Variants in BLK observed in about 807,000 individuals in gnomAD.
The protein encoded by BLK is BLK proto-oncogene, Src family tyrosine kinase.
A neutral mutation model predicts 61.8 loss-of-function variants in BLK; 64 were observed. That is an observed-to-expected ratio of 1.03 (90% confidence interval 0.85 to 1.27). The LOEUF is 1.27. BLK is among the 50% of genes most tolerant of loss of function. The pLI, the probability that BLK is intolerant of heterozygous loss-of-function variation, is 0.00. For missense variants in BLK, 853 were observed against 660.5 expected, an observed-to-expected ratio of 1.29 and a Z score of -3.19; for synonymous variants, 351 against 272.0, an observed-to-expected ratio of 1.29 and a Z score of -2.86.
chr8:11,510,632 C>T (rs1452787276), intron 1 of BLK, among the ~76,000 whole-genome samples: 1 of 152,080 alleles, frequency 6.6e-6, no homozygotes, highest in Non-Finnish European at 1.5e-5. Flanking sequence ...TGTCTCTTTC[C>T]CCCTTTCTGG....
At chr8:11,549,182 G>A (rs1415090644) in intron 5 of BLK, 60 bp downstream of exon 5, 1 of 1,469,640 alleles carries the variant, frequency 6.8e-7, no homozygotes, top group Non-Finnish European at 9.3e-7. Flanking sequence ...TGCTCCCTGG[G>A]CTGTTAGGCA....
chr8:11,495,010 G>T (rs571293900), intron 1 of BLK, among the ~76,000 whole-genome samples: 14 of 152,334 alleles, frequency 9.2e-5, no homozygotes, highest in African/African-American at 3.4e-4. Flanking sequence ...GGAGCATCTG[G>T]CTCAAGGCAA....
intron 1 of BLK, among the ~76,000 whole-genome samples, chr8:11,528,998 C>G (rs757034646): frequency 1.3e-5 from 2 of 151,984 alleles, no homozygotes; most frequent in African/African-American, 4.8e-5. Flanking sequence ...GATGCTGGAC[C>G]GAATACTTAG....
intron 1 of BLK, among the ~76,000 whole-genome samples, chr8:11,524,877 G>A (rs6992453): frequency 0.021 from 3,070 of 146,278 alleles, 96 homozygotes; most frequent in African/African-American, 0.071. Context: ...AAAGCAGGTC[G>A]CAAAACAGGA....
chr8:11,554,385 C>T (rs899154481), intron 6 of BLK, among the ~76,000 whole-genome samples: 4 of 152,116 alleles, frequency 2.6e-5, no homozygotes, highest in Non-Finnish European at 1.5e-5. Context: ...GTCACTCCAA[C>T]GAGACTAGAT....
intron 1 of BLK, among the ~76,000 whole-genome samples, chr8:11,535,705 A>G (rs1196785468): frequency 6.6e-6 from 1 of 152,224 alleles, no homozygotes; most frequent in Non-Finnish European, 1.5e-5. Flanking sequence ...CTATCTTAGC[A>G]TCACTAAAAT....
intron 6 of BLK, among the ~76,000 whole-genome samples, chr8:11,553,785 A>T (rs895425644): frequency 1.3e-5 from 2 of 152,128 alleles, no homozygotes; most frequent in African/African-American, 4.8e-5. Flanking sequence ...GTAGGTGATG[A>T]GAGAGGCACA....
chr8:11,560,893 C>A (rs757968920), intron 10 of BLK: 1 of 467,500 alleles, frequency 2.1e-6, no homozygotes, highest in South Asian at 1.5e-5. Context: ...GCTCCAGGAG[C>A]TGTGCTTCCA....
intron 1 of BLK, among the ~76,000 whole-genome samples, chr8:11,535,134 C>T (rs1003827337): frequency 4.0e-5 from 6 of 150,510 alleles, no homozygotes; most frequent in African/African-American, 9.8e-5. Context: ...GCCATGATCA[C>T]GCCTCTGCAC....
At chr8:11,503,435 C>A (rs1389706389) in intron 1 of BLK, among the ~76,000 whole-genome samples, 13 of 152,106 alleles carry the variant, frequency 8.5e-5, no homozygotes, top group Non-Finnish European at 1.2e-4. Context: ...CTAGTAACTC[C>A]CAAAGGGAGA....
chr8:11,506,749 T>G (rs1798782954), intron 1 of BLK, among the ~76,000 whole-genome samples: 5 of 152,160 alleles, frequency 3.3e-5, no homozygotes, highest in Admixed American at 3.3e-4. Context: ...CATGTCAGCC[T>G]CTGACCCTGG....
chr8:11,500,500 T>TTTTTG (rs977614120), intron 1 of BLK, among the ~76,000 whole-genome samples: 1 of 149,328 alleles, frequency 6.7e-6, no homozygotes, highest in Non-Finnish European at 1.5e-5. Context: ...CTGGCCTGTT[T>TTTTTG]TTTTGTTTTG....
chr8:11,541,999 T>A (rs1437132926), intron 1 of BLK, among the ~76,000 whole-genome samples: 2 of 152,236 alleles, frequency 1.3e-5, no homozygotes, highest in African/African-American at 4.8e-5. Context: ...TGAAAAAACA[T>A]ACTTGTGAAT....
chr8:11,541,535 T>A (rs1411158083), intron 1 of BLK, among the ~76,000 whole-genome samples: 1 of 151,872 alleles, frequency 6.6e-6, no homozygotes, highest in Non-Finnish European at 1.5e-5. Context: ...TCTCACTCTG[T>A]TGCCCAGGCT....
At chr8:11,548,900 T>C in intron 4 of BLK, 124 bp from the exon 5 acceptor site, 1 of 885,932 alleles carries the variant, frequency 1.1e-6, no homozygotes. Flanking sequence ...CTGCCTGCCG[T>C]ACTCTCTACC....
At position 11,517,887 on chromosome 8, in the gene BLK, G is replaced by A. The variant is rs1044133183; in HGVS notation, c.-2+23296G>A. Among the ~76,000 whole-genome samples the A allele has an allele frequency of 3.3e-5, 5 of 152,178 alleles. No individual in the cohort carries two copies. The East Asian group carries it at 5.8e-4, about 18-fold the overall frequency. On this transcript the variant is annotated intron_variant, in intron 1 of 12. Transcript: ENST00000259089. ...CTTTCAGAGCTGAAATTGACTTCTT[G>A]GAAAGCCAGAGAAATGCATTTTCCC...
intron 1 of BLK, among the ~76,000 whole-genome samples, chr8:11,536,945 G>C (rs1245884084): frequency 6.6e-6 from 1 of 152,132 alleles, no homozygotes; most frequent in African/African-American, 2.4e-5. Context: ...GTGAGAGTGG[G>C]CTCCATCCTT....
intron 1 of BLK, among the ~76,000 whole-genome samples, chr8:11,522,716 A>G (rs555067444): frequency 6.6e-6 from 1 of 152,120 alleles, no homozygotes; most frequent in South Asian, 2.1e-4. Flanking sequence ...ATTACAACAA[A>G]CAAATCTCAA....
At chr8:11,503,203 C>T (rs1344422190) in intron 1 of BLK, among the ~76,000 whole-genome samples, 3 of 152,182 alleles carry the variant, frequency 2.0e-5, no homozygotes, top group East Asian at 1.9e-4. Context: ...CACAACCACA[C>T]GTAGCATCTA....
Sources: gnomAD v4.1 joint callset for allele counts (sites outside exome capture counted in the v4.1 genomes callset) on GRCh38, gnomAD v4.1.1 for gene constraint, MANE v1.5 for transcripts, NCBI Gene and HGNC (gene_info 2026-07-23, HGNC 2026-07-21) for gene names.